Variants in CNTN5 observed in about 807,000 individuals in gnomAD.
The protein encoded by CNTN5 is contactin 5.
A neutral mutation model predicts 129.1 loss-of-function variants in CNTN5; 77 were observed. The observed-to-expected ratio is 0.60, with a 90% CI of 0.50 to 0.72. CNTN5 has a LOEUF of 0.72. CNTN5 is among the 30% of genes least tolerant of loss of function. The pLI is 0.00. For missense variants in CNTN5, 1,478 were observed against 1,328.8 expected (o/e 1.11, Z -1.75); for synonymous variants, 509 against 465.6 (o/e 1.09, Z -1.20).
intron 8 of CNTN5, among the ~76,000 whole-genome samples, chr11:99,990,451 T>TACACACCC (rs200252748): frequency 1.0e-5 from 1 of 99,490 alleles, no homozygotes; most frequent in Non-Finnish European, 2.1e-5. Flanking sequence ...AGAATATATA[T>TACACACCC]ATATACACAC....
At position 99,623,669 on chromosome 11, in the gene CNTN5, C is replaced by T. The variant is rs554760567; in HGVS notation, c.55+67400C>T. ...AGTTGAGAAAAGGGAGGCATAGTTC[C>T]ATAAAAGAAATCTCAACTAGTTTTA... On this transcript the variant is annotated intron_variant, in intron 3 of 24. Coordinates refer to ENST00000524871, the MANE Select transcript of CNTN5 (RefSeq NM_014361.4). Among the ~76,000 whole-genome samples, 168 of 137,476 alleles carry T rather than the reference C, an allele frequency of 1.2e-3. 1 individual carries two copies. Among genetic ancestry groups the T allele is most frequent in the Admixed American group, 6.4e-3 (73 of 11,340 alleles). The allele number at this position is 137,476 out of a possible 152,430, so 90.2% of individuals were successfully genotyped here.
intron 2 of CNTN5, among the ~76,000 whole-genome samples, chr11:99,356,493 C>T (rs1938679773): frequency 6.6e-6 from 1 of 152,192 alleles, no homozygotes; most frequent in Non-Finnish European, 1.5e-5. Context: ...TACTTTTCAG[C>T]AGCATCTTTC....
Position 100,155,058 on chromosome 11 carries a change from C to G in CNTN5, c.1581-36068C>G, listed in dbSNP as rs12273981. ...CATTAGTCAATTTTGGCTTTTGTTG[C>G]CATTGCTTTTGGTGTTTTAGTCATG... On this transcript the variant is annotated intron_variant, in intron 13 of 24. Transcript: ENST00000524871. 2.0e-5 allele frequency among the ~76,000 whole-genome samples: 3 copies of G among 152,122 alleles called. No homozygotes were observed. The East Asian group carries it at 5.8e-4, about 29-fold the overall frequency.
At chr11:99,322,180 C>T (rs912324922) in intron 1 of CNTN5, among the ~76,000 whole-genome samples, 4 of 152,080 alleles carry the variant, frequency 2.6e-5, no homozygotes, top group African/African-American at 4.8e-5. Flanking sequence ...ATGAAGGTTG[C>T]GCCAGACTTG....
At chr11:100,114,222 A>G (rs961767259) in intron 13 of CNTN5, among the ~76,000 whole-genome samples, 4 of 152,156 alleles carry the variant, frequency 2.6e-5, no homozygotes, top group African/African-American at 9.7e-5. Flanking sequence ...AATTTGATTT[A>G]AAATATTCAG....
At chr11:99,982,270 AT>A (rs1260172133) in intron 8 of CNTN5, among the ~76,000 whole-genome samples, 1 of 152,242 alleles carries the variant, frequency 6.6e-6, no homozygotes, top group Non-Finnish European at 1.5e-5. Context: ...AAAGATTTGC[AT>A]ACAAAAATAA....
intron 15 of CNTN5, among the ~76,000 whole-genome samples, chr11:100,213,820 G>A (rs1020979131): frequency 2.0e-5 from 3 of 152,100 alleles, no homozygotes; most frequent in African/African-American, 7.2e-5. Context: ...TTTTGAAGTT[G>A]ATGAGAATCT....
chr11:99,864,268 A>T (rs2135782251), intron 6 of CNTN5, among the ~76,000 whole-genome samples: 1 of 152,212 alleles, frequency 6.6e-6, no homozygotes, highest in South Asian at 2.1e-4. Context: ...CTTAGAATGA[A>T]AGAGATACTA....
At chr11:99,498,954 A>G (rs1201987167) in intron 2 of CNTN5, among the ~76,000 whole-genome samples, 2 of 152,144 alleles carry the variant, frequency 1.3e-5, no homozygotes, top group African/African-American at 4.8e-5. Context: ...GTAAAGCAAA[A>G]TTCCAGCGAT....
chr11:99,675,671 GC>G (rs1953247617), intron 3 of CNTN5, among the ~76,000 whole-genome samples: 1 of 152,040 alleles, frequency 6.6e-6, no homozygotes, highest in Admixed American at 6.6e-5. Context: ...TGTCGACAGA[GC>G]AAAACTCTGT....
chr11:100,243,282 C>T (rs1403213705), intron 16 of CNTN5, among the ~76,000 whole-genome samples: 2 of 152,212 alleles, frequency 1.3e-5, no homozygotes, highest in Non-Finnish European at 2.9e-5. Context: ...AAATCTAAAC[C>T]AAAGGCTTCA....
intron 2 of CNTN5, among the ~76,000 whole-genome samples, chr11:99,346,062 TCA>T (rs1937839624): frequency 6.6e-6 from 1 of 152,202 alleles, no homozygotes; most frequent in African/African-American, 2.4e-5. Context: ...GTGTTTTCTT[TCA>T]GTTTTTGTCC....
chr11:99,295,314 T>A (rs1864337339), intron 1 of CNTN5, among the ~76,000 whole-genome samples: 1 of 152,218 alleles, frequency 6.6e-6, no homozygotes, highest in Non-Finnish European at 1.5e-5. Flanking sequence ...TATTTCTCTA[T>A]AAGCCACAAG....
At chr11:99,866,528 A>T (rs1300967831) in intron 6 of CNTN5, among the ~76,000 whole-genome samples, 1 of 152,206 alleles carries the variant, frequency 6.6e-6, no homozygotes, top group Non-Finnish European at 1.5e-5. Context: ...AAGTCTTCTC[A>T]AAACTCAGGG....
intron 1 of CNTN5, among the ~76,000 whole-genome samples, chr11:99,123,653 G>T (rs1400132520): frequency 8.3e-6 from 1 of 120,400 alleles, no homozygotes; most frequent in East Asian, 2.1e-4. Flanking sequence ...TATCTTCCAG[G>T]GTTTTTTTTT....
intron 2 of CNTN5, among the ~76,000 whole-genome samples, chr11:99,357,896 C>T (rs1938792872): frequency 1.3e-5 from 2 of 150,788 alleles, no homozygotes; most frequent in Admixed American, 1.3e-4. Context: ...CCCAGCTACT[C>T]CGGAGGCCGA....
At chr11:99,223,129 T>C (rs1437989257) in intron 1 of CNTN5, among the ~76,000 whole-genome samples, 1 of 152,150 alleles carries the variant, frequency 6.6e-6, no homozygotes, top group East Asian at 1.9e-4. Flanking sequence ...ACCTTGTCGA[T>C]AGCAAAGCCC....
At position 99,508,619 on chromosome 11, in the gene CNTN5, C is replaced by A. The variant is rs183098948; in HGVS notation, c.-70-47526C>A. ...TATATAAAATTACAATCTTTAAAAACGTAGGCTTTTATATCAACTGAAGTG... is the reference window on the plus strand; with the variant it reads ...TATATAAAATTACAATCTTTAAAAAAGTAGGCTTTTATATCAACTGAAGTG... On this transcript the variant is annotated intron_variant, in intron 2 of 24. Coordinates refer to ENST00000524871, the MANE Select transcript of CNTN5 (RefSeq NM_014361.4). Among the ~76,000 whole-genome samples, 358 of 152,118 alleles carry A rather than the reference C, an allele frequency of 2.4e-3. 3 individuals carry two copies. The highest frequency in any genetic ancestry group is 0.014 in the South Asian group (66 of 4,826).
intron 9 of CNTN5, among the ~76,000 whole-genome samples, chr11:100,020,158 A>G (rs1941051090): frequency 6.6e-6 from 1 of 152,014 alleles, no homozygotes. Flanking sequence ...TCATTTGTTC[A>G]TATTTGCTTT....
Sources: allele counts gnomAD v4.1 joint callset (sites outside exome capture counted in the v4.1 genomes callset), GRCh38; gene constraint gnomAD v4.1.1; transcripts MANE v1.5; gene names NCBI Gene and HGNC (gene_info 2026-07-23, HGNC 2026-07-21).